The following ACSL3 variants were observed in gnomAD, a reference collection of about 807,000 sequenced individuals.
ACSL3 encodes the protein acyl-CoA synthetase long chain family member 3.
Under a neutral mutation model 84.7 loss-of-function variants are expected in ACSL3, and 34 were observed. The ratio of observed to expected loss-of-function variants is 0.40; its 90% confidence interval spans 0.31 to 0.53. The LOEUF (loss-of-function observed/expected upper bound fraction) is 0.53, where lower values mean the gene tolerates loss of function less well. Among genes scored for constraint, ACSL3 ranks in the 20% least tolerant of loss-of-function variants. The pLI, the probability that ACSL3 is intolerant of heterozygous loss-of-function variation, is 0.48. For missense variants in ACSL3, 680 were observed against 873.1 expected (o/e 0.78, Z 2.79); for synonymous variants, 315 against 299.4 (o/e 1.05, Z -0.54).
In ACSL3 at chr2:222,932,588, C is replaced by T. The variant is rs374017218; in HGVS notation, c.1733-578C>T. On this transcript the variant is annotated intron_variant, in intron 14 of 16. Coordinates refer to ENST00000357430, the MANE Select transcript of ACSL3 (RefSeq NM_004457.5). Reference sequence around the variant, plus strand: ...AAGTGATGTGCCCGCCTCGGCCTCCCGAAGTGCTGGGATTACAGACATGAG... The same window carrying T: ...AAGTGATGTGCCCGCCTCGGCCTCCTGAAGTGCTGGGATTACAGACATGAG... 1.9e-4 allele frequency among the ~76,000 whole-genome samples: 29 copies of T among 152,238 alleles called. No individual in the cohort carries two copies. In the East Asian group the frequency reaches 5.6e-3, roughly 29 times the overall value.
chr2:222,940,503 A>G (rs555836761), intron 16 of ACSL3, among the ~76,000 whole-genome samples: 3 of 150,290 alleles, frequency 2.0e-5, no homozygotes, highest in South Asian at 2.1e-4. Context: ...TAACCTAACA[A>G]TAGGCATTTA....
At position 222,900,684 on chromosome 2, in the gene ACSL3, C is replaced by T. The variant is rs1171348609; in HGVS notation, c.-137C>T. 3 of 152,086 alleles carry T rather than the reference C, an allele frequency of 2.0e-5. No individual in the cohort carries two copies. Among genetic ancestry groups the T allele is most frequent in the African/African-American group, 4.8e-5 (2 of 41,410 alleles). 9.4% of individuals were successfully genotyped at this position (152,086 alleles called of 1,614,324 possible). A position where few individuals can be genotyped will look rare whatever the true frequency, so the allele number is the denominator to read the frequency against. On this transcript the variant is annotated 5_prime_UTR_variant, in exon 3 of 17. Coordinates refer to ENST00000357430, the MANE Select transcript of ACSL3 (RefSeq NM_004457.5). ...CTATATTGTATTCAGATACAGAATT[C>T]GTTGTTGGGAAGGACTGGGGAAACA...
intron 1 of ACSL3, among the ~76,000 whole-genome samples, chr2:222,870,315 GA>G (rs1312427566): frequency 6.6e-6 from 1 of 152,066 alleles, no homozygotes; most frequent in Non-Finnish European, 1.5e-5. Flanking sequence ...TTACTACCTG[GA>G]ATTTAATGGG....
At chr2:222,909,224 A>T in intron 4 of ACSL3, 74 bp downstream of exon 4, 1 of 1,411,132 alleles carries the variant, frequency 7.1e-7, no homozygotes, top group Non-Finnish European at 9.7e-7. Context: ...AAGGGCAAGC[A>T]CAGCCTGCCT....
chr2:222,920,709 T>G (rs529038396), intron 7 of ACSL3, among the ~76,000 whole-genome samples: 1 of 152,326 alleles, frequency 6.6e-6, no homozygotes, highest in South Asian at 2.1e-4. Flanking sequence ...ACAACATTGC[T>G]TTACATCCAG....
rs1453949584 is a variant in ACSL3, at chr2:222,908,978, G to A, written c.206G>A (p.Arg69Lys). Residue 69 changes from arginine (R) to lysine (K), a missense_variant, in exon 4 of 17, where the codon AGA becomes AAA. This residue lies in a region of ACSL3 where 333 missense variants were observed against 347.5 expected (regional missense o/e 0.96). Coordinates refer to ENST00000357430, the MANE Select transcript of ACSL3 (RefSeq NM_004457.5). ...AATTCAAAACCTGATTCTGCATACA[G>A]ATCTGTTAATAGTTTGGATGGTTTG... ...PVNSKPDSAY[R>K]SVNSLDGLAS... 1.2e-6 allele frequency: 2 copies of A among 1,613,716 alleles called. No individual in the cohort carries two copies. Among genetic ancestry groups the A allele is most frequent in the Non-Finnish European group, 1.7e-6 (2 of 1,179,848 alleles).
At chr2:222,911,844 C>T (rs1301810848) in intron 4 of ACSL3, among the ~76,000 whole-genome samples, 2 of 152,146 alleles carry the variant, frequency 1.3e-5, no homozygotes, top group East Asian at 3.8e-4. Flanking sequence ...CCTTTGTATT[C>T]AATGATTATT....
chr2:222,942,938 CTGT>C lies in ACSL3; in HGVS notation c.*1289_*1291del, dbSNP rs372759402. The C allele has an allele frequency of 2.5e-4, 57 of 224,750 alleles. No individual in the cohort carries two copies. The East Asian group carries it at 3.2e-3, about 13-fold the overall frequency. 13.9% of individuals were successfully genotyped at this position (224,750 alleles called of 1,614,324 possible). The stretch of plus-strand genomic sequence containing the variant: ...AGTCTCTTCATTTATTACTGCTTGT[CTGT>C]TGTTATATCTGGATTATCAAAAGCA... On this transcript the variant is annotated 3_prime_UTR_variant, in exon 17 of 17. Transcript: ENST00000357430.
intron 11 of ACSL3, 103 bp from the exon 12 acceptor site, chr2:222,926,914 T>C (rs1412657284): frequency 2.3e-6 from 3 of 1,291,494 alleles, no homozygotes; most frequent in Non-Finnish European, 3.2e-6. Flanking sequence ...ATAAGTAACT[T>C]AATCTCAAAA....
intron 6 of ACSL3, 71 bp from the exon 7 acceptor site, chr2:222,918,993 G>T (rs1305181335): frequency 4.5e-6 from 7 of 1,550,766 alleles, no homozygotes; most frequent in Non-Finnish European, 5.3e-6. Context: ...ACCGAATATG[G>T]TAAACTAGTA....
At chr2:222,904,579 T>G (rs1696244331) in intron 3 of ACSL3, 1 of 152,790 alleles carries the variant, frequency 6.5e-6, no homozygotes, top group Admixed American at 6.5e-5. Context: ...CATCAAAACT[T>G]TTCAGAACTA....
At chr2:222,880,595 A>G (rs1055548853) in intron 1 of ACSL3, among the ~76,000 whole-genome samples, 2 of 151,986 alleles carry the variant, frequency 1.3e-5, no homozygotes, top group Admixed American at 6.6e-5. Context: ...TTGGGAGGCC[A>G]AGGTGGGCGG....
At chr2:222,921,849 G>T (rs1164981909) in intron 8 of ACSL3, among the ~76,000 whole-genome samples, 1 of 152,128 alleles carries the variant, frequency 6.6e-6, no homozygotes, top group Admixed American at 6.6e-5. Context: ...GTAGAGTGGA[G>T]TGGGGAAGAG....
At chr2:222,884,653 T>G (rs2106097108) in intron 1 of ACSL3, among the ~76,000 whole-genome samples, 1 of 152,186 alleles carries the variant, frequency 6.6e-6, no homozygotes, top group East Asian at 1.9e-4. Context: ...TATAAGGACA[T>G]TTGTGAGGGC....
chr2:222,941,280 T>G (rs1256547303), intron 16 of ACSL3, among the ~76,000 whole-genome samples: 1 of 152,056 alleles, frequency 6.6e-6, no homozygotes, highest in African/African-American at 2.4e-5. Flanking sequence ...TCCTATATCA[T>G]ATTTTATTTA....
chr2:222,906,733 G>T (rs1696303054), intron 3 of ACSL3, among the ~76,000 whole-genome samples: 1 of 151,906 alleles, frequency 6.6e-6, no homozygotes, highest in Non-Finnish European at 1.5e-5. Context: ...TCCTGCCTCA[G>T]CCTCCCGAGT....
chr2:222,912,287 G>A (rs1389412279), intron 4 of ACSL3, among the ~76,000 whole-genome samples: 1 of 152,216 alleles, frequency 6.6e-6, no homozygotes, highest in Non-Finnish European at 1.5e-5. Flanking sequence ...TATCTCAGCT[G>A]CATGTTAAAC....
rs113250141 is a variant in ACSL3, at chr2:222,872,431, T to C, written c.-207+11173T>C. On this transcript the variant is annotated intron_variant, in intron 1 of 16. Coordinates refer to ENST00000357430, the MANE Select transcript of ACSL3 (RefSeq NM_004457.5). ...GCTCCTGGCCGACAGTTACATATTT[T>C]TTATAGAAAGAAAGTAAAAGTATCT... Among the ~76,000 whole-genome samples, 1,148 of 152,260 alleles carry C rather than the reference T, an allele frequency of 7.5e-3. 7 individuals carry two copies. Among genetic ancestry groups the C allele is most frequent in the African/African-American group, 0.026 (1,097 of 41,540 alleles).
At chr2:222,921,252 ATG>A in intron 7 of ACSL3, 26 bp from the exon 8 acceptor site, 1 of 1,586,196 alleles carries the variant, frequency 6.3e-7, no homozygotes, top group Middle Eastern at 1.7e-4. Context: ...ATGAAAGTGT[ATG>A]TGTGTGTTTT....
Sources: gnomAD v4.1 joint callset for allele counts (sites outside exome capture counted in the v4.1 genomes callset) on GRCh38, gnomAD v4.1.1 for gene constraint, gnomAD v4.1.1 regional missense constraint, MANE v1.5 for transcripts, NCBI Gene and HGNC (gene_info 2026-07-23, HGNC 2026-07-21) for gene names.